USP15: variants seen among roughly 807,000 people sequenced by gnomAD.
The protein encoded by USP15 is ubiquitin carboxyl-terminal hydrolase 15.
USP15 carries 18 observed loss-of-function variants against 127.1 expected under a neutral mutation model. That is an observed-to-expected ratio of 0.14 (90% CI 0.10 to 0.21). USP15 has a LOEUF of 0.21. Among genes scored for constraint, USP15 ranks in the 10% least tolerant of loss-of-function variants. The pLI is 1.00. For synonymous variants in USP15, 364 were observed against 393.7 expected (o/e 0.92, Z 0.89); for missense variants, 805 against 1,159.9 (o/e 0.69, Z 4.44).
intron 6 of USP15, among the ~76,000 whole-genome samples, chr12:62,337,131 T>C (rs1041739748): frequency 1.3e-5 from 2 of 152,180 alleles, no homozygotes; most frequent in Non-Finnish European, 2.9e-5. Context: ...GTCAACTTTG[T>C]GGTGTCAGAG....
At position 62,385,541 on chromosome 12, in the gene USP15, T is replaced by C. The variant is rs573516061; in HGVS notation, c.1473+1239T>C. Among the ~76,000 whole-genome samples, 16 of 152,146 alleles carry C rather than the reference T, an allele frequency of 1.1e-4. No homozygotes were observed. The East Asian group carries it at 2.7e-3, about 26-fold the overall frequency. On this transcript the variant is annotated intron_variant, in intron 11 of 21. Coordinates refer to ENST00000280377, the MANE Select transcript of USP15 (RefSeq NM_001252078.2). ...ATTTGTTTTTCTGCTGCTTTATGTT[T>C]TCTTTATGAACTCATTGAACACAAT...
Position 62,321,428 on chromosome 12 carries a change from A to C in USP15, c.476-36A>C. On this transcript the variant is annotated intron_variant, in intron 4 of 21. Coordinates refer to ENST00000280377, the MANE Select transcript of USP15 (RefSeq NM_001252078.2). ...CTGTATGTGGTATATTTTGAAATAC[A>C]TACTATATTTATATATCTTTCCTCC... 2.2e-6 allele frequency: 3 copies of C among 1,362,168 alleles called. No homozygotes were observed. The East Asian group carries it at 7.8e-5, about 35-fold the overall frequency. 84.4% of individuals were successfully genotyped at this position (1,362,168 alleles called of 1,614,324 possible).
intron 11 of USP15, 93 bp from the exon 12 acceptor site, chr12:62,389,338 A>C (rs2067251120): frequency 2.8e-6 from 3 of 1,064,132 alleles, no homozygotes; most frequent in African/African-American, 1.6e-5. Context: ...CCAAATGCCA[A>C]ATGAATGTGA....
intron 1 of USP15, among the ~76,000 whole-genome samples, chr12:62,274,502 C>T (rs956823075): frequency 2.6e-5 from 4 of 151,292 alleles, no homozygotes; most frequent in Admixed American, 2.0e-4. Context: ...AAAAATTAAC[C>T]GGGTGTGGTG....
chr12:62,359,397 C>T (rs1430971542), intron 8 of USP15, among the ~76,000 whole-genome samples: 1 of 152,054 alleles, frequency 6.6e-6, no homozygotes. Context: ...TTTTTCTCAT[C>T]GTCTGACAAG....
intron 2 of USP15, among the ~76,000 whole-genome samples, chr12:62,295,713 G>A (rs978559398): frequency 1.8e-4 from 28 of 152,282 alleles, no homozygotes; most frequent in African/African-American, 6.7e-4. Context: ...GTGAGGGTGA[G>A]ACTAGATTAA....
At chr12:62,276,869 A>G (rs558886408) in intron 1 of USP15, among the ~76,000 whole-genome samples, 1 of 152,290 alleles carries the variant, frequency 6.6e-6, no homozygotes, top group East Asian at 1.9e-4. Context: ...ATAAAAAGTA[A>G]TGAATAAAAA....
rs1041614287 is a variant in USP15 at position 62,270,429 on chromosome 12, C to T, written c.89+9926C>T. Among the ~76,000 whole-genome samples, 3 of 152,030 alleles carry T rather than the reference C, an allele frequency of 2.0e-5. No individual in the cohort carries two copies. In the East Asian group the frequency reaches 5.8e-4, roughly 29 times the overall value. On this transcript the variant is annotated intron_variant, in intron 1 of 21. Transcript: ENST00000280377. ...GCTTTTGGTATCATGTCTAAGAAGG[C>T]TTGGCTTAACTCAAGGTCATGAGGA...
intron 8 of USP15, among the ~76,000 whole-genome samples, chr12:62,378,113 A>G (rs1046943516): frequency 6.6e-6 from 1 of 152,152 alleles, no homozygotes; most frequent in African/African-American, 2.4e-5. Flanking sequence ...AGGCTCAGGC[A>G]GGAGAATCGC....
intron 5 of USP15, 144 bp downstream of exon 5, chr12:62,321,753 T>G: frequency 1.8e-6 from 1 of 567,916 alleles, no homozygotes; most frequent in Non-Finnish European, 2.7e-6. Flanking sequence ...CCTTGCTGGT[T>G]ACTGACTCTG....
At chr12:62,358,159 TA>T (rs199913464) in intron 8 of USP15, among the ~76,000 whole-genome samples, 66 of 147,816 alleles carry the variant, frequency 4.5e-4, no homozygotes, top group East Asian at 2.0e-3. Context: ...TAACATATGT[TA>T]AAAAAAAAAG....
intron 6 of USP15, among the ~76,000 whole-genome samples, chr12:62,343,076 T>A (rs906446757): frequency 1.3e-5 from 2 of 152,170 alleles, no homozygotes; most frequent in African/African-American, 2.4e-5. Context: ...TGTAAGCCCC[T>A]GGCTGGGGCT....
At chr12:62,331,464 A>G (rs1405907376) in intron 6 of USP15, among the ~76,000 whole-genome samples, 13 of 152,304 alleles carry the variant, frequency 8.5e-5, no homozygotes, top group Admixed American at 7.9e-4. Context: ...CCCACCCCAG[A>G]CCAGCAAAAT....
intron 2 of USP15, among the ~76,000 whole-genome samples, chr12:62,299,374 G>C (rs1379126962): frequency 1.3e-5 from 2 of 152,146 alleles, no homozygotes; most frequent in African/African-American, 4.8e-5. Flanking sequence ...GTCCCCCAAA[G>C]TACTGGGATT....
chr12:62,262,945 T>C (rs1459634879), intron 1 of USP15, among the ~76,000 whole-genome samples: 1 of 152,222 alleles, frequency 6.6e-6, no homozygotes, highest in Non-Finnish European at 1.5e-5. Flanking sequence ...AAGAGAAAGA[T>C]GGTACTGGGA....
intron 2 of USP15, among the ~76,000 whole-genome samples, chr12:62,298,151 A>T (rs1455611502): frequency 6.6e-6 from 1 of 152,192 alleles, no homozygotes; most frequent in Non-Finnish European, 1.5e-5. Flanking sequence ...GACTTCTGGG[A>T]CACCATCAAA....
At chr12:62,302,444 T>G (rs1289403337) in intron 2 of USP15, among the ~76,000 whole-genome samples, 3 of 152,244 alleles carry the variant, frequency 2.0e-5, no homozygotes, top group Admixed American at 6.5e-5. Context: ...AGCAATAGTT[T>G]ATTTTGAAAT....
chr12:62,365,769 G>A (rs1002958859), intron 8 of USP15, among the ~76,000 whole-genome samples: 1 of 152,040 alleles, frequency 6.6e-6, no homozygotes, highest in South Asian at 2.1e-4. Flanking sequence ...TTTTCTGCAT[G>A]TGGCTAGCCA....
At chr12:62,322,127 C>CTT (rs2065002951) in intron 5 of USP15, among the ~76,000 whole-genome samples, 1 of 152,054 alleles carries the variant, frequency 6.6e-6, no homozygotes, top group South Asian at 2.1e-4. Flanking sequence ...CCCAATTTGG[C>CTT]TTTTTTGTTT....
Sources: gnomAD v4.1 joint callset for allele counts (sites outside exome capture counted in the v4.1 genomes callset) on GRCh38, gnomAD v4.1.1 for gene constraint, MANE v1.5 for transcripts, NCBI Gene and HGNC (gene_info 2026-07-23, HGNC 2026-07-21) for gene names.